Variants in KCNH1 observed in about 807,000 individuals in gnomAD.
The protein encoded by KCNH1 is potassium voltage-gated channel subfamily H member 1.
KCNH1 carries 27 observed loss-of-function variants against 69.2 expected under a neutral mutation model. That is an observed-to-expected ratio of 0.39 (90% CI 0.29 to 0.54). The LOEUF is 0.54. KCNH1 is among the 20% of genes least tolerant of loss of function. KCNH1 has a pLI of 0.68. For missense variants in KCNH1, 798 were observed against 1,261.6 expected, an observed-to-expected ratio of 0.63 and a Z score of 5.57; for synonymous variants, 456 against 487.7, an observed-to-expected ratio of 0.93 and a Z score of 0.86.
intron 6 of KCNH1, among the ~76,000 whole-genome samples, chr1:210,981,654 T>C (rs1019819995): frequency 2.6e-5 from 4 of 152,138 alleles, no homozygotes; most frequent in Admixed American, 1.3e-4. Flanking sequence ...TATATTCAAA[T>C]TGCCCAAAGT....
intron 5 of KCNH1, among the ~76,000 whole-genome samples, chr1:211,029,334 TAAAAAAAAA>T (rs58241322): frequency 4.3e-5 from 1 of 23,140 alleles, no homozygotes; most frequent in African/African-American, 2.0e-4. Context: ...TCCTGTCACT[TAAAAAAAAA>T]AAAAAAAAAA....
intron 6 of KCNH1, among the ~76,000 whole-genome samples, chr1:210,966,444 G>A (rs1328325225): frequency 6.6e-6 from 1 of 152,168 alleles, no homozygotes; most frequent in African/African-American, 2.4e-5. Context: ...AGAGTGAAGA[G>A]GCAACCTACA....
chr1:210,862,244 T>A, intron 7 of KCNH1: 3 of 1,107,150 alleles, frequency 2.7e-6, no homozygotes, highest in Non-Finnish European at 4.2e-6. Context: ...GCTGGGTCCA[T>A]GGTGCCCCGC....
intron 7 of KCNH1, among the ~76,000 whole-genome samples, chr1:210,856,889 ATATATATAT>A (rs1685858709): frequency 7.4e-6 from 1 of 135,352 alleles, no homozygotes; most frequent in Non-Finnish European, 1.6e-5. Flanking sequence ...ATATATATAT[ATATATATAT>A]AAAATACTCA....
intron 6 of KCNH1, among the ~76,000 whole-genome samples, chr1:210,983,815 A>T (rs1312083272): frequency 1.3e-5 from 2 of 152,180 alleles, no homozygotes; most frequent in African/African-American, 4.8e-5. Context: ...GAAGAAAGTC[A>T]TTGGTAGCTT....
At chr1:210,945,584 C>T (rs1038679896) in intron 6 of KCNH1, among the ~76,000 whole-genome samples, 3 of 152,208 alleles carry the variant, frequency 2.0e-5, no homozygotes, top group Non-Finnish European at 4.4e-5. Context: ...AAAGTCTTCA[C>T]AGTGGTCCCC....
chr1:210,946,662 C>T (rs1157272058), intron 6 of KCNH1, among the ~76,000 whole-genome samples: 2 of 152,174 alleles, frequency 1.3e-5, no homozygotes, highest in Non-Finnish European at 2.9e-5. Flanking sequence ...CACTGCCACC[C>T]ATAAGGCCCT....
chr1:211,063,234 T>C (rs577427112), intron 5 of KCNH1, among the ~76,000 whole-genome samples: 9 of 152,248 alleles, frequency 5.9e-5, no homozygotes, highest in African/African-American at 1.2e-4. Flanking sequence ...TTATTAATCA[T>C]GTGGGGGCCC....
chr1:210,824,884 A>G (rs917855593), intron 7 of KCNH1, among the ~76,000 whole-genome samples: 1 of 152,218 alleles, frequency 6.6e-6, no homozygotes, highest in African/African-American at 2.4e-5. Context: ...CATTTGGAAA[A>G]TATAGATTTG....
intron 10 of KCNH1, among the ~76,000 whole-genome samples, chr1:210,762,075 C>CT (rs2102352364): frequency 6.6e-6 from 1 of 152,184 alleles, no homozygotes; most frequent in Non-Finnish European, 1.5e-5. Flanking sequence ...CAAATGAACT[C>CT]TTAAAACTAC....
chr1:210,922,996 A>G (rs956408080), intron 6 of KCNH1, among the ~76,000 whole-genome samples: 1 of 152,100 alleles, frequency 6.6e-6, no homozygotes, highest in African/African-American at 2.4e-5. Flanking sequence ...CCTTACTTGT[A>G]TTCAGTTCAA....
At chr1:210,954,558 C>T (rs1688130922) in intron 6 of KCNH1, among the ~76,000 whole-genome samples, 1 of 152,312 alleles carries the variant, frequency 6.6e-6, no homozygotes, top group South Asian at 2.1e-4. Flanking sequence ...ACATCCTCTC[C>T]AGCATCTGTT....
At position 210,878,098 on chromosome 1, in the gene KCNH1, A is replaced by G. The variant is rs533458660; in HGVS notation, c.1462+41542T>C. Among the ~76,000 whole-genome samples, 26 of 152,280 alleles carry G rather than the reference A, an allele frequency of 1.7e-4. No homozygotes were observed. The South Asian group carries it at 5.2e-3, about 30-fold the overall frequency. On this transcript the variant is annotated intron_variant, in intron 7 of 10. Coordinates refer to ENST00000271751, the MANE Select transcript of KCNH1 (RefSeq NM_172362.3). ...TTAAAAGGTGCCAAGTTGCATAATA[A>G]AGGGATCAATTCTCCAAGAAGACAT...
At chr1:210,775,653 T>C (rs562729911) in intron 9 of KCNH1, 109 bp from the exon 10 acceptor site, 24 of 744,198 alleles carry the variant, frequency 3.2e-5, no homozygotes, top group African/African-American at 8.7e-5. Context: ...ATTCTGCAGA[T>C]TGGGCTCAGA....
intron 6 of KCNH1, among the ~76,000 whole-genome samples, chr1:210,962,759 A>T (rs1688317381): frequency 6.6e-6 from 1 of 151,532 alleles, no homozygotes; most frequent in Non-Finnish European, 1.5e-5. Context: ...GACTCTAGGC[A>T]TGAGTCTCAT....
At chr1:210,715,346 T>C (rs1006896261) in intron 10 of KCNH1, among the ~76,000 whole-genome samples, 8 of 152,144 alleles carry the variant, frequency 5.3e-5, no homozygotes, top group Non-Finnish European at 8.8e-5. Context: ...TTAGGCTCAA[T>C]AGTCAGACTT....
intron 5 of KCNH1, among the ~76,000 whole-genome samples, chr1:211,045,209 T>A (rs1690076462): frequency 6.6e-6 from 1 of 151,580 alleles, no homozygotes; most frequent in Non-Finnish European, 1.5e-5. Context: ...AAGTAGGAGC[T>A]AAGCTATGAG....
chr1:210,681,994 G>A lies in KCNH1; in HGVS notation c.*1287C>T, dbSNP rs1255585824. On this transcript the variant is annotated 3_prime_UTR_variant, in exon 11 of 11. Transcript: ENST00000271751. The stretch of plus-strand genomic sequence containing the variant: ...TGTCCCCGAGCATCGTGGCATAGGG[G>A]CTTGGATGGCCCATACGCAGTTCTG... 6.6e-6 allele frequency: 1 copy of A among 152,138 alleles called. No individual in the cohort carries two copies. The highest frequency in any genetic ancestry group is 2.4e-5 in the African/African-American group (1 of 41,420). 9.4% of individuals were successfully genotyped at this position (152,138 alleles called of 1,614,324 possible). A position where few individuals can be genotyped will look rare whatever the true frequency, so the allele number is the denominator to read the frequency against.
chr1:210,760,168 C>A (rs1683488058), intron 10 of KCNH1, among the ~76,000 whole-genome samples: 1 of 152,074 alleles, frequency 6.6e-6, no homozygotes, highest in African/African-American at 2.4e-5. Flanking sequence ...AGGACTGCTG[C>A]TATACAAGAC....
Sources: allele counts gnomAD v4.1 joint callset (sites outside exome capture counted in the v4.1 genomes callset), GRCh38; gene constraint gnomAD v4.1.1; transcripts MANE v1.5; gene names NCBI Gene and HGNC (gene_info 2026-07-23, HGNC 2026-07-21).